Variants in SEMA3A observed in about 807,000 individuals in gnomAD.
The protein encoded by SEMA3A is semaphorin-3A.
In SEMA3A, 29 loss-of-function variants were observed where a neutral mutation model predicts 97.9. The observed-to-expected ratio is 0.30, with a 90% CI of 0.22 to 0.40. The LOEUF is 0.40. Among genes scored for constraint, SEMA3A ranks in the 10% least tolerant of loss-of-function variants. The pLI, the probability that SEMA3A is intolerant of heterozygous loss-of-function variation, is 1.00. For synonymous variants in SEMA3A, 321 were observed against 323.7 expected (o/e 0.99, Z 0.09); for missense variants, 763 against 951.3 (o/e 0.80, Z 2.60).
At chr7:84,397,902 A>G (rs1803780769) in intron 1 of SEMA3A, among the ~76,000 whole-genome samples, 1 of 152,130 alleles carries the variant, frequency 6.6e-6, no homozygotes. Flanking sequence ...TTTTATGATA[A>G]TTAAATAAGA....
At chr7:84,300,031 A>AC (rs1800969627) in intron 3 of SEMA3A, among the ~76,000 whole-genome samples, 1 of 130,562 alleles carries the variant, frequency 7.7e-6, no homozygotes, top group Non-Finnish European at 1.6e-5. Context: ...AGACTCAGTC[A>AC]CAAAAAAAAA....
chr7:84,397,630 T>C (rs1385119940), intron 1 of SEMA3A, among the ~76,000 whole-genome samples: 1 of 151,838 alleles, frequency 6.6e-6, no homozygotes, highest in African/African-American at 2.4e-5. Context: ...GTGGGAGTTT[T>C]TACAATTCCT....
chr7:84,287,806 T>A (rs1168161844), intron 3 of SEMA3A, among the ~76,000 whole-genome samples: 6 of 152,160 alleles, frequency 3.9e-5, no homozygotes, highest in Non-Finnish European at 8.8e-5. Context: ...AAACTCAGCA[T>A]GTACTTTTGT....
intron 14 of SEMA3A, among the ~76,000 whole-genome samples, chr7:83,978,344 G>A (rs1436600009): frequency 1.3e-5 from 2 of 152,198 alleles, no homozygotes; most frequent in Non-Finnish European, 2.9e-5. Flanking sequence ...GTGAGCTGCA[G>A]CACGTTGTGG....
intron 2 of SEMA3A, among the ~76,000 whole-genome samples, chr7:84,335,619 C>T (rs986886875): frequency 1.3e-5 from 2 of 152,010 alleles, no homozygotes; most frequent in African/African-American, 4.8e-5. Flanking sequence ...CATTTATGAA[C>T]TATGGAACAG....
At chr7:84,150,396 G>T (rs900842644) in intron 1 of SEMA3A, among the ~76,000 whole-genome samples, 3 of 152,222 alleles carry the variant, frequency 2.0e-5, no homozygotes, top group African/African-American at 7.2e-5. Flanking sequence ...CTGTGCGCGA[G>T]CCGAAGCAGG....
chr7:84,479,961 T>C (rs535700480), intron 1 of SEMA3A, among the ~76,000 whole-genome samples: 15 of 152,190 alleles, frequency 9.9e-5, no homozygotes, highest in Non-Finnish European at 2.1e-4. Context: ...ATGCAAACTT[T>C]CTTAAGCGAG....
At position 83,965,099 on chromosome 7, in the gene SEMA3A, A is replaced by G. The variant is rs913442965; in HGVS notation, c.1718-1752T>C. On this transcript the variant is annotated intron_variant, in intron 15 of 16. Coordinates refer to ENST00000265362, the MANE Select transcript of SEMA3A (RefSeq NM_006080.3). ...TGTTCTGTGATTTAAACTTTTTTGT[A>G]TTTTTTTTTTTTTGTATTTTTAGTA... Among the ~76,000 whole-genome samples, 5 of 143,372 alleles carry G rather than the reference A, an allele frequency of 3.5e-5. 1 individual carries two copies. The highest frequency in any genetic ancestry group is 1.3e-4 in the African/African-American group (5 of 39,450). 94.1% of individuals were successfully genotyped at this position (143,372 alleles called of 152,430 possible).
chr7:84,126,516 T>C (rs1329673055), intron 3 of SEMA3A, among the ~76,000 whole-genome samples: 1 of 152,174 alleles, frequency 6.6e-6, no homozygotes, highest in Non-Finnish European at 1.5e-5. Context: ...GAGTTGATTA[T>C]CATCATACTT....
At chr7:84,192,269 T>C (rs1798069505) in intron 1 of SEMA3A, among the ~76,000 whole-genome samples, 1 of 151,978 alleles carries the variant, frequency 6.6e-6, no homozygotes, top group South Asian at 2.1e-4. Flanking sequence ...GGCAATTGGC[T>C]ACCACATACT....
At position 83,993,382 on chromosome 7, in the gene SEMA3A, C is replaced by G. The variant is rs963496660; in HGVS notation, c.1453-7905G>C. Among the ~76,000 whole-genome samples the G allele has an allele frequency of 2.0e-5, 3 of 150,938 alleles. No individual in the cohort carries two copies. In the South Asian group the frequency reaches 6.3e-4, roughly 32 times the overall value. ...TATGATGTTACCTGGTTATTTTGCT[C>G]GTTAGTTGATGCAGTTTCTTCCTAG... On this transcript the variant is annotated intron_variant, in intron 12 of 16. Coordinates refer to ENST00000265362, the MANE Select transcript of SEMA3A (RefSeq NM_006080.3).
chr7:84,324,270 T>C (rs1801723221), intron 2 of SEMA3A, among the ~76,000 whole-genome samples: 1 of 152,174 alleles, frequency 6.6e-6, no homozygotes, highest in South Asian at 2.1e-4. Context: ...GCAAACTCTA[T>C]AGGACCAGAG....
chr7:84,222,792 T>C (rs1798908224), intron 3 of SEMA3A, among the ~76,000 whole-genome samples: 1 of 151,900 alleles, frequency 6.6e-6, no homozygotes, highest in Non-Finnish European at 1.5e-5. Flanking sequence ...CCAATAATGT[T>C]GCCAAGCTGT....
At chr7:84,459,340 C>A (rs977989084) in intron 1 of SEMA3A, among the ~76,000 whole-genome samples, 3 of 152,102 alleles carry the variant, frequency 2.0e-5, no homozygotes, top group Non-Finnish European at 4.4e-5. Context: ...AAAATAAATT[C>A]TCCACAGAAT....
rs13242477 is a variant in SEMA3A at position 84,213,446 on chromosome 7, T to A, written c.-82-18778A>T. The stretch of plus-strand genomic sequence containing the variant: ...GGCATGTACAACCACACTCAGCTAA[T>A]TTTTATTTTTAAATGTTTTTTATAG... On this transcript the variant is annotated intron_variant, in intron 3 of 3. Transcript: ENST00000424555. Among the ~76,000 whole-genome samples the A allele has an allele frequency of 6.5e-3, 988 of 152,256 alleles. 2 individuals are homozygous for A. Among genetic ancestry groups the A allele is most frequent in the Middle Eastern group, 0.017 (5 of 294 alleles).
At chr7:84,020,799 CA>C (rs1461634095) in intron 6 of SEMA3A, among the ~76,000 whole-genome samples, 2 of 152,020 alleles carry the variant, frequency 1.3e-5, no homozygotes, top group Non-Finnish European at 2.9e-5. Context: ...TATTATTTTA[CA>C]GTAATATTTT....
intron 2 of SEMA3A, among the ~76,000 whole-genome samples, chr7:84,342,199 C>A (rs1421884604): frequency 6.6e-6 from 1 of 152,062 alleles, no homozygotes; most frequent in Non-Finnish European, 1.5e-5. Flanking sequence ...CCATGCCTGG[C>A]TAATTTGGTA....
intron 3 of SEMA3A, among the ~76,000 whole-genome samples, chr7:84,229,691 T>C (rs541110952): frequency 2.4e-4 from 36 of 152,206 alleles, no homozygotes; most frequent in African/African-American, 8.7e-4. Context: ...ATTTTTATAA[T>C]GGAACACTAT....
chr7:84,030,267 C>T (rs536982385), intron 6 of SEMA3A, among the ~76,000 whole-genome samples: 2 of 152,260 alleles, frequency 1.3e-5, no homozygotes, highest in East Asian at 3.9e-4. Context: ...AAAACCTTCT[C>T]TTTAAAGGGA....
Sources: allele counts gnomAD v4.1 joint callset (sites outside exome capture counted in the v4.1 genomes callset), GRCh38; gene constraint gnomAD v4.1.1; transcripts MANE v1.5; gene names NCBI Gene and HGNC (gene_info 2026-07-23, HGNC 2026-07-21).